CEP41: variants seen among roughly 807,000 people sequenced by gnomAD.
CEP41 encodes the protein centrosomal protein 41, also known as centrosomal protein of 41 kDa.
A neutral mutation model predicts 44.3 loss-of-function variants in CEP41; 32 were observed. The ratio of observed to expected loss-of-function variants is 0.72; its 90% CI spans 0.54 to 0.97. The LOEUF (loss-of-function observed/expected upper bound fraction) is 0.97. CEP41 is among the 50% of genes least tolerant of loss of function. The pLI is 0.00. For synonymous variants in CEP41, 151 were observed against 168.5 expected (o/e 0.90, Z 0.80); for missense variants, 432 against 455.2 (o/e 0.95, Z 0.46).
chr7:130,416,111 T>G (rs1554420820), intron 3 of CEP41, among the ~76,000 whole-genome samples: 1 of 152,236 alleles, frequency 6.6e-6, no homozygotes, highest in African/African-American at 2.4e-5. Context: ...ATTCTGGATG[T>G]GCAATTTTAT....
chr7:130,416,377 T>C (rs1240257828), intron 3 of CEP41, among the ~76,000 whole-genome samples: 1 of 152,272 alleles, frequency 6.6e-6, no homozygotes, highest in East Asian at 1.9e-4. Context: ...ACTGGTAACA[T>C]ATCTTTGCAG....
At chr7:130,416,700 T>C (rs1235314838) in intron 3 of CEP41, among the ~76,000 whole-genome samples, 1 of 152,150 alleles carries the variant, frequency 6.6e-6, no homozygotes, top group Non-Finnish European at 1.5e-5. Context: ...TCCTATGGGA[T>C]GGAAATAGGG....
chr7:130,419,738 T>C (rs1327150722), intron 2 of CEP41: 19 of 985,196 alleles, frequency 1.9e-5, no homozygotes, highest in Non-Finnish European at 2.0e-5. Context: ...TACCTCTTAA[T>C]GTTGCCTTAA....
At chr7:130,408,091 C>T (rs1797068046) in intron 5 of CEP41, among the ~76,000 whole-genome samples, 1 of 152,162 alleles carries the variant, frequency 6.6e-6, no homozygotes, top group African/African-American at 2.4e-5. Flanking sequence ...GGCCCTCCTG[C>T]CTCCTTCCCC....
chr7:130,425,278 T>C (rs1433338726), intron 2 of CEP41, among the ~76,000 whole-genome samples: 4 of 152,098 alleles, frequency 2.6e-5, no homozygotes, highest in Admixed American at 2.0e-4. Context: ...CCAGACATGG[T>C]GGTGCGCACC....
intron 2 of CEP41, among the ~76,000 whole-genome samples, chr7:130,418,250 A>G (rs1554421295): frequency 6.6e-6 from 1 of 152,206 alleles, no homozygotes; most frequent in African/African-American, 2.4e-5. Flanking sequence ...AGAGACACTG[A>G]ATACCTCTTA....
intron 1 of CEP41, among the ~76,000 whole-genome samples, chr7:130,433,184 T>C (rs1260590889): frequency 6.6e-6 from 1 of 152,092 alleles, no homozygotes; most frequent in Non-Finnish European, 1.5e-5. Context: ...GAAGCAGCTA[T>C]GGGAAACTGA....
Position 130,400,227 on chromosome 7 carries a change from G to A in CEP41, c.785C>T (p.Pro262Leu), listed in dbSNP as rs200709703. 88 of 1,613,584 alleles carry A rather than the reference G, an allele frequency of 5.5e-5. No individual in the cohort carries two copies. The highest frequency in any genetic ancestry group is 7.0e-5 in the Non-Finnish European group (83 of 1,179,774). Residue 262 changes from proline to leucine, a missense_variant, in exon 10 of 11, where the codon CCG becomes CTG. Transcript: ENST00000223208. ...GGLKVLAQKFPEGLITGSLPA... is the reference protein window; with the variant it reads ...GGLKVLAQKFLEGLITGSLPA... ...CAGGGAACCAGTAATCAGTCCTTCC[G>A]GGAATTTCTGAGCTAAGACTTTTAG... is the stretch of plus-strand genomic sequence containing the variant.
At chr7:130,422,170 A>C (rs189373478) in intron 2 of CEP41, among the ~76,000 whole-genome samples, 2 of 152,368 alleles carry the variant, frequency 1.3e-5, no homozygotes, top group East Asian at 3.9e-4. Context: ...AACTCAGTAG[A>C]ATGTGATTTG....
chr7:130,412,070 G>C (rs1797198314), intron 4 of CEP41, 109 bp downstream of exon 4: 1 of 770,392 alleles, frequency 1.3e-6, no homozygotes, highest in African/African-American at 1.7e-5. Context: ...GACATACAAA[G>C]AATCAGAAGA....
intron 6 of CEP41, among the ~76,000 whole-genome samples, chr7:130,403,543 T>C (rs1796918743): frequency 6.6e-6 from 1 of 152,158 alleles, no homozygotes; most frequent in Non-Finnish European, 1.5e-5. Flanking sequence ...AGACTAGGTG[T>C]TATGAACAAA....
intron 4 of CEP41, chr7:130,411,882 G>A (rs1333513345): frequency 3.9e-6 from 1 of 254,182 alleles, no homozygotes; most frequent in African/African-American, 2.3e-5. Context: ...CAGAATTTTA[G>A]ATTCTAAATA....
rs1562978882 is a variant in CEP41, at chr7:130,402,797, A to G, written c.425T>C (p.Val142Ala). ...GDSSRSTLQSVISGVGELDLD... is the reference protein window; with the variant it reads ...GDSSRSTLQSAISGVGELDLD... ...ATCCAGTTCCCCAACACCACTGATG[A>G]CACTGCAAGTGAAAAAGTAGGTCAG... is the stretch of plus-strand genomic sequence containing the variant. Residue 142 changes from valine (V) to alanine (A), a missense_variant and splice_region_variant, in exon 7 of 11, where the codon GTC (valine) becomes GCC (alanine). Transcript: ENST00000223208. 6.2e-7 allele frequency: 1 copy of G among 1,614,116 alleles called. No homozygotes were observed. The highest frequency in any genetic ancestry group is 8.5e-7 in the Non-Finnish European group (1 of 1,179,980).
At chr7:130,437,764 C>CAAAAAAAAAAAAAAA (rs1171735164) in intron 1 of CEP41, among the ~76,000 whole-genome samples, 1 of 32,424 alleles carries the variant, frequency 3.1e-5, no homozygotes, top group Admixed American at 3.5e-4. Flanking sequence ...AAGACTGTCT[C>CAAAAAAAAAAAAAAA]AAAAAAAAAA....
At chr7:130,437,966 G>A (rs1358713173) in intron 1 of CEP41, among the ~76,000 whole-genome samples, 1 of 152,076 alleles carries the variant, frequency 6.6e-6, no homozygotes, top group Non-Finnish European at 1.5e-5. Context: ...ACTAGAAGTT[G>A]TGCTCTATTC....
At chr7:130,399,904 T>G (rs1796790582) in intron 10 of CEP41, 135 bp downstream of exon 10, 5 of 752,976 alleles carry the variant, frequency 6.6e-6, no homozygotes, top group South Asian at 5.7e-5. Context: ...CTCCACTGCC[T>G]CCCCTCCCCA....
chr7:130,431,213 G>T (rs1193439164), intron 1 of CEP41, among the ~76,000 whole-genome samples: 2 of 152,070 alleles, frequency 1.3e-5, no homozygotes, highest in Non-Finnish European at 2.9e-5. Context: ...CTTGCTTTGT[G>T]GGGTGACTGC....
chr7:130,413,228 T>G (rs2117612380), intron 3 of CEP41, among the ~76,000 whole-genome samples: 1 of 152,232 alleles, frequency 6.6e-6, no homozygotes, highest in African/African-American at 2.4e-5. Flanking sequence ...TGGCCTCAAG[T>G]GATCCACCCA....
At chr7:130,440,783 C>G in intron 1 of CEP41, 151 bp downstream of exon 1, 222 of 402,282 alleles carry the variant, frequency 5.5e-4, no homozygotes, top group South Asian at 1.8e-3. Context: ...CCAAGCCCGG[C>G]CCGCCCCGCC....
Sources: allele counts gnomAD v4.1 joint callset (sites outside exome capture counted in the v4.1 genomes callset), GRCh38; gene constraint gnomAD v4.1.1; transcripts MANE v1.5; gene names NCBI Gene and HGNC (gene_info 2026-07-23, HGNC 2026-07-21).